Variants in PTPRD observed in about 807,000 individuals in gnomAD.
PTPRD encodes protein tyrosine phosphatase receptor type D, also known as receptor-type tyrosine-protein phosphatase delta.
Under a neutral mutation model 214.5 loss-of-function variants are expected in PTPRD, and 34 were observed. The ratio of observed to expected loss-of-function variants is 0.16; its 90% confidence interval spans 0.12 to 0.21. The LOEUF is 0.21. Among genes scored for constraint, PTPRD ranks in the 10% least tolerant of loss-of-function variants. The pLI is 1.00. For missense variants in PTPRD, 2,545 were observed against 2,398.7 expected, an observed-to-expected ratio of 1.06 and a Z score of -1.27; for synonymous variants, 1,128 against 845.7, an observed-to-expected ratio of 1.33 and a Z score of -5.79.
intron 3 of PTPRD, among the ~76,000 whole-genome samples, chr9:10,293,768 A>G (rs2154401866): frequency 6.6e-6 from 1 of 152,056 alleles, no homozygotes; most frequent in South Asian, 2.1e-4. Context: ...TCATTGGTGG[A>G]AAGAACAGCC....
At chr9:9,107,723 A>G (rs1343559936) in intron 10 of PTPRD, among the ~76,000 whole-genome samples, 1 of 152,172 alleles carries the variant, frequency 6.6e-6, no homozygotes, top group African/African-American at 2.4e-5. Flanking sequence ...TCTTACAGTG[A>G]TCAGGCCATT....
At chr9:9,460,603 G>A (rs1050422372) in intron 8 of PTPRD, among the ~76,000 whole-genome samples, 5 of 151,956 alleles carry the variant, frequency 3.3e-5, no homozygotes, top group African/African-American at 9.7e-5. Flanking sequence ...TCGAAGCGAT[G>A]CAAATTAAAA....
intron 8 of PTPRD, among the ~76,000 whole-genome samples, chr9:9,545,901 T>C (rs938485285): frequency 1.3e-5 from 2 of 151,832 alleles, no homozygotes; most frequent in Admixed American, 1.3e-4. Flanking sequence ...ACAACTTGAA[T>C]ATATTGAGTC....
intron 10 of PTPRD, among the ~76,000 whole-genome samples, chr9:9,069,517 C>A (rs142179170): frequency 1.2e-4 from 19 of 152,300 alleles, no homozygotes; most frequent in African/African-American, 4.3e-4. Context: ...AGACTCAAAG[C>A]AAGAAGAGTT....
chr9:9,401,964 C>T (rs970208777), intron 8 of PTPRD, among the ~76,000 whole-genome samples: 20 of 152,166 alleles, frequency 1.3e-4, no homozygotes, highest in Admixed American at 2.6e-4. Flanking sequence ...AACCTCTCTC[C>T]TTTATAAGTT....
chr9:8,583,946 G>C (rs77147331), intron 14 of PTPRD, among the ~76,000 whole-genome samples: 3 of 152,212 alleles, frequency 2.0e-5, no homozygotes, highest in Admixed American at 2.0e-4. Flanking sequence ...GAGCTTAGGC[G>C]TTTGAGATCA....
intron 4 of PTPRD, among the ~76,000 whole-genome samples, chr9:9,966,104 C>T (rs370239339): frequency 6.6e-6 from 1 of 152,014 alleles, no homozygotes; most frequent in African/African-American, 2.4e-5. Context: ...GCCCTCGACT[C>T]TACTGGCTTT....
chr9:8,314,474 A>G lies in PTPRD; in HGVS notation c.*3400T>C, dbSNP rs1283107915. ...TTTGTTTTAATTTTTCAGTCTATGC[A>G]TCCAAAACGAGAGCAAAGAACACAA... is the stretch of plus-strand genomic sequence containing the variant. On this transcript the variant is annotated 3_prime_UTR_variant, in exon 46 of 46. Coordinates refer to ENST00000381196, the MANE Select transcript of PTPRD (RefSeq NM_002839.4). 3.9e-5 allele frequency: 9 copies of G among 231,546 alleles called. No homozygotes were observed. 14.3% of individuals were successfully genotyped at this position (231,546 alleles called of 1,614,324 possible).
intron 11 of PTPRD, among the ~76,000 whole-genome samples, chr9:8,832,812 G>C (rs1322910659): frequency 2.6e-5 from 4 of 151,752 alleles, no homozygotes; most frequent in Non-Finnish European, 5.9e-5. Flanking sequence ...TGCTCTCTCT[G>C]TATTTCTCTT....
At chr9:9,149,754 G>A (rs1198965468) in intron 10 of PTPRD, among the ~76,000 whole-genome samples, 1 of 152,180 alleles carries the variant, frequency 6.6e-6, no homozygotes, top group Non-Finnish European at 1.5e-5. Flanking sequence ...GCCTTGGCCT[G>A]TAAATTTCAA....
At chr9:9,563,607 G>C (rs562686682) in intron 8 of PTPRD, among the ~76,000 whole-genome samples, 2 of 152,116 alleles carry the variant, frequency 1.3e-5, no homozygotes, top group Non-Finnish European at 2.9e-5. Flanking sequence ...AGAGGATCAG[G>C]ACAGCTGTTG....
At chr9:8,526,004 T>A (rs993253296) in intron 17 of PTPRD, among the ~76,000 whole-genome samples, 5 of 152,022 alleles carry the variant, frequency 3.3e-5, no homozygotes, top group Admixed American at 1.3e-4. Flanking sequence ...GAAAAAAGCA[T>A]TGCTGTCAGA....
chr9:9,890,094 T>C (rs903675092), intron 5 of PTPRD, among the ~76,000 whole-genome samples: 3 of 152,162 alleles, frequency 2.0e-5, no homozygotes, highest in African/African-American at 7.2e-5. Flanking sequence ...GGGTGCTCTA[T>C]GTTAGCCTTA....
At chr9:10,191,389 C>A (rs2099362957) in intron 3 of PTPRD, among the ~76,000 whole-genome samples, 1 of 151,916 alleles carries the variant, frequency 6.6e-6, no homozygotes, top group Non-Finnish European at 1.5e-5. Flanking sequence ...GCTACAGCTA[C>A]TACTAATAAT....
At chr9:9,535,826 T>C (rs149894865) in intron 8 of PTPRD, among the ~76,000 whole-genome samples, 1 of 151,930 alleles carries the variant, frequency 6.6e-6, no homozygotes, top group Non-Finnish European at 1.5e-5. Context: ...AAATTGTGTG[T>C]GGGGGAGGGG....
chr9:9,661,586 T>C (rs1039001047), intron 7 of PTPRD, among the ~76,000 whole-genome samples: 40 of 151,852 alleles, frequency 2.6e-4, no homozygotes, highest in African/African-American at 9.7e-4. Flanking sequence ...TATATGCTGT[T>C]TATATTTGTC....
At chr9:8,459,967 AT>A (rs2096344138) in intron 33 of PTPRD, among the ~76,000 whole-genome samples, 2 of 152,098 alleles carry the variant, frequency 1.3e-5, no homozygotes, top group South Asian at 4.1e-4. Context: ...ACAGGGAGCT[AT>A]CTCAACACTT....
chr9:9,067,295 T>C (rs2099736237), intron 10 of PTPRD, among the ~76,000 whole-genome samples: 1 of 152,202 alleles, frequency 6.6e-6, no homozygotes, highest in Admixed American at 6.5e-5. Flanking sequence ...TTTTCAACTG[T>C]ATTTTTGTGT....
intron 10 of PTPRD, among the ~76,000 whole-genome samples, chr9:9,172,105 C>A (rs192344953): frequency 1.3e-3 from 194 of 152,210 alleles, no homozygotes; most frequent in African/African-American, 4.4e-3. Flanking sequence ...TATCTTAGTA[C>A]ACTAAGTATT....
Sources: allele counts gnomAD v4.1 joint callset (sites outside exome capture counted in the v4.1 genomes callset), GRCh38; gene constraint gnomAD v4.1.1; transcripts MANE v1.5; gene names NCBI Gene and HGNC (gene_info 2026-07-23, HGNC 2026-07-21).